Variants in AGAP6 observed in about 807,000 individuals in gnomAD.
AGAP6 encodes ArfGAP with GTPase domain, ankyrin repeat and PH domain 6.
AGAP6 carries 29 observed loss-of-function variants against 63.9 expected under a neutral mutation model. That is an observed-to-expected ratio of 0.45 (90% CI 0.34 to 0.62). The LOEUF is 0.62. Among genes scored for constraint, AGAP6 ranks in the 20% least tolerant of loss-of-function variants. The pLI, the probability that AGAP6 is intolerant of heterozygous loss-of-function variation, is 0.01. For missense variants in AGAP6, 493 were observed against 884.9 expected, an observed-to-expected ratio of 0.56 and a Z score of 5.62; for synonymous variants, 199 against 332.9, an observed-to-expected ratio of 0.60 and a Z score of 4.38.
Position 49,991,885 on chromosome 10 carries a change from A to G in AGAP6, c.361+141A>G, listed in dbSNP as rs1257524843. ...TTCACTTGTCTTATTTTAATATGTG[A>G]TATACTTTCCTTTAGTTGTTATGAT... On this transcript the variant is annotated intron_variant, in intron 3 of 7. Transcript: ENST00000412531. 3.7e-6 allele frequency: 5 copies of G among 1,339,728 alleles called. No homozygotes were observed. The African/African-American group carries it at 5.9e-5, about 16-fold the overall frequency. 83.0% of individuals were successfully genotyped at this position (1,339,728 alleles called of 1,614,324 possible). A position where few individuals can be genotyped will look rare whatever the true frequency, so the allele number is the denominator to read the frequency against.
intron 6 of AGAP6, among the ~76,000 whole-genome samples, 174 bp downstream of exon 6, chr10:50,004,894 T>C (rs1435999104): frequency 2.0e-5 from 3 of 152,252 alleles, no homozygotes; most frequent in African/African-American, 7.2e-5. Context: ...CTTAAATGAC[T>C]GAGAATCTCA....
intron 4 of AGAP6, among the ~76,000 whole-genome samples, chr10:49,996,485 C>T (rs1728112203): frequency 6.6e-6 from 1 of 151,842 alleles, no homozygotes; most frequent in African/African-American, 2.4e-5. Flanking sequence ...TCAGTTTCTT[C>T]TGAGAAGGAT....
chr10:50,006,550 T>G (rs1728717225), intron 6 of AGAP6, among the ~76,000 whole-genome samples: 1 of 152,334 alleles, frequency 6.6e-6, no homozygotes, highest in Non-Finnish European at 1.5e-5. Context: ...AATTTTCTTA[T>G]ATGTTTGACA....
chr10:49,999,163 C>T lies in AGAP6; in HGVS notation c.397-2833C>T, dbSNP rs797042847. On this transcript the variant is annotated intron_variant, in intron 4 of 7. Transcript: ENST00000412531. ...TGAGGCAGGAGAATCGCTTGAACCT[C>T]GGAGGCAGAGGTTGCAGTGAGCCAA... Among the ~76,000 whole-genome samples, 10 of 135,988 alleles carry T rather than the reference C, an allele frequency of 7.4e-5. 2 individuals carry two copies. Among genetic ancestry groups the T allele is most frequent in the Non-Finnish European group, 6.2e-5 (4 of 65,024 alleles). The allele number at this position is 135,988 out of a possible 152,430, so 89.2% of individuals were successfully genotyped here.
At chr10:49,999,259 C>T (rs1287224757) in intron 4 of AGAP6, among the ~76,000 whole-genome samples, 1 of 136,590 alleles carries the variant, frequency 7.3e-6, no homozygotes, top group Non-Finnish European at 1.5e-5. Context: ...AAAAGATAAT[C>T]CACCATGATC....
chr10:49,989,209 A>G (rs1841164534), intron 1 of AGAP6, 99 bp from the exon 2 acceptor site: 12 of 1,547,356 alleles, frequency 7.8e-6, no homozygotes, highest in Non-Finnish European at 1.0e-5. Flanking sequence ...GGGACCATTT[A>G]TTTATGGCTC....
At chr10:49,992,789 TCTCA>T (rs576744134) in intron 3 of AGAP6, among the ~76,000 whole-genome samples, 10 of 149,790 alleles carry the variant, frequency 6.7e-5, no homozygotes, top group Admixed American at 2.0e-4. Context: ...TGATATGGAG[TCTCA>T]CTCTGTTGCC....
intron 6 of AGAP6, among the ~76,000 whole-genome samples, chr10:50,006,373 CCT>C (rs1841914863): frequency 6.6e-6 from 1 of 152,046 alleles, no homozygotes. Flanking sequence ...GAAGTGACAA[CCT>C]CTCACTTCAT....
In AGAP6 at chr10:49,988,891, G is replaced by A; in HGVS notation, c.176G>A (p.Gly59Asp). The change falls in exon 1 of 8, where the codon GGT becomes GAT. Residue 59 changes from glycine to aspartate, a missense_variant. By Grantham distance (94) the Gly-to-Asp change is moderately conservative. This residue lies in a region of AGAP6 where 342 missense variants were observed against 533.4 expected (regional missense o/e 0.64). Coordinates refer to ENST00000412531, the MANE Select transcript of AGAP6 (RefSeq NM_001077665.3). The stretch of plus-strand genomic sequence containing the variant: ...CCTGCTGAGGTGACTGTTGAAGTTG[G>A]TGAGGACCTCCACATGCACCACGTT... Reference protein sequence around the residue: ...VQPAEVTVEVGEDLHMHHVRD... With the variant: ...VQPAEVTVEVDEDLHMHHVRD... 1.3e-6 allele frequency: 2 copies of A among 1,599,676 alleles called. No homozygotes were observed. Among genetic ancestry groups the A allele is most frequent in the Non-Finnish European group, 1.7e-6 (2 of 1,179,150 alleles).
At chr10:49,998,636 A>G (rs1564710527) in intron 4 of AGAP6, among the ~76,000 whole-genome samples, 1 of 138,774 alleles carries the variant, frequency 7.2e-6, no homozygotes, top group Non-Finnish European at 1.5e-5. Flanking sequence ...TATAGTTTGA[A>G]ATCAGGTAAT....
Position 50,009,406 on chromosome 10 carries a change from G to C in AGAP6, c.1281G>C (p.Thr427=). ...AAACGTGGCACTTTGAAGCCACGAC[G>C]TATGAGGAGCGGGATGCCTGGGTCC... The part of the protein sequence containing the change: ...TGQTWHFEAT[T]YEERDAWVQA... The change falls in exon 8 of 8, where the codon ACG becomes ACC. Residue 427 remains threonine (T), a synonymous_variant. Coordinates refer to ENST00000412531, the MANE Select transcript of AGAP6 (RefSeq NM_001077665.3). 6.6e-7 allele frequency: 1 copy of C among 1,516,714 alleles called. No homozygotes were observed. The highest frequency in any genetic ancestry group is 9.0e-7 in the Non-Finnish European group (1 of 1,114,922). 94.0% of individuals were successfully genotyped at this position (1,516,714 alleles called of 1,614,324 possible). A position where few individuals can be genotyped will look rare whatever the true frequency, so the allele number is the denominator to read the frequency against.
intron 5 of AGAP6, among the ~76,000 whole-genome samples, chr10:50,003,755 G>T (rs1218280463): frequency 6.6e-6 from 1 of 152,188 alleles, no homozygotes; most frequent in Non-Finnish European, 1.5e-5. Context: ...CTCCTATTTG[G>T]TGGGACCTTG....
intron 4 of AGAP6, among the ~76,000 whole-genome samples, chr10:49,999,232 T>A (rs1589095757): frequency 7.6e-6 from 1 of 131,902 alleles, no homozygotes; most frequent in East Asian, 2.5e-4. Context: ...AGAGCGAGAC[T>A]CCATCTCAAA....
chr10:49,996,032 A>C (rs1358962218), intron 4 of AGAP6, among the ~76,000 whole-genome samples: 1 of 151,868 alleles, frequency 6.6e-6, no homozygotes, highest in Non-Finnish European at 1.5e-5. Context: ...TCTCTTCTTG[A>C]GAATTTTTTT....
intron 6 of AGAP6, among the ~76,000 whole-genome samples, chr10:50,006,246 C>T (rs1841910826): frequency 6.6e-6 from 1 of 152,212 alleles, no homozygotes; most frequent in Non-Finnish European, 1.5e-5. Flanking sequence ...ACCAATCTTA[C>T]TTTAACACGC....
chr10:49,998,024 A>T (rs1434308804), intron 4 of AGAP6, among the ~76,000 whole-genome samples: 3 of 134,390 alleles, frequency 2.2e-5, no homozygotes, highest in African/African-American at 8.9e-5. Context: ...ATGTATGTAT[A>T]TCACGGTTTC....
intron 3 of AGAP6, among the ~76,000 whole-genome samples, chr10:49,992,231 C>G (rs1841311199): frequency 6.6e-6 from 1 of 151,806 alleles, no homozygotes; most frequent in Non-Finnish European, 1.5e-5. Flanking sequence ...ATTCATTTAC[C>G]ACATCCAAGT....
intron 6 of AGAP6, among the ~76,000 whole-genome samples, chr10:50,007,058 A>T (rs1841936600): frequency 6.6e-6 from 1 of 151,458 alleles, no homozygotes; most frequent in Non-Finnish European, 1.5e-5. Flanking sequence ...CAAATTTTTA[A>T]AATTTTTCAT....
At chr10:49,997,608 G>A (rs1345460033) in intron 4 of AGAP6, among the ~76,000 whole-genome samples, 1 of 152,160 alleles carries the variant, frequency 6.6e-6, no homozygotes, top group Non-Finnish European at 1.5e-5. Flanking sequence ...TATGTTTGCT[G>A]AGAAAAATGC....
Sources: allele counts gnomAD v4.1 joint callset (sites outside exome capture counted in the v4.1 genomes callset), GRCh38; gene constraint gnomAD v4.1.1; regional missense constraint gnomAD v4.1.1; transcripts MANE v1.5; gene names NCBI Gene and HGNC (gene_info 2026-07-23, HGNC 2026-07-21).